The following FBXW8 variants were observed in gnomAD, a reference collection of about 807,000 sequenced individuals.
The protein encoded by FBXW8 is F-box/WD repeat-containing protein 8.
FBXW8 carries 57 observed loss-of-function variants against 65.3 expected under a neutral mutation model. The ratio of observed to expected loss-of-function variants is 0.87; its 90% CI spans 0.71 to 1.09. The LOEUF (loss-of-function observed/expected upper bound fraction) is 1.09. FBXW8 is among the 50% of genes least tolerant of loss of function. FBXW8 has a pLI of 0.00. For missense variants in FBXW8, 777 were observed against 814.8 expected (o/e 0.95, Z 0.57); for synonymous variants, 308 against 330.2 (o/e 0.93, Z 0.73).
rs1364784842 is a variant in FBXW8, at chr12:117,028,087, C to T, written c.1712C>T (p.Pro571Leu). 25 of 1,614,036 alleles carry T rather than the reference C, an allele frequency of 1.5e-5. No individual in the cohort carries two copies. Among genetic ancestry groups the T allele is most frequent in the Non-Finnish European group, 2.0e-5 (24 of 1,180,032 alleles). Residue 571 changes from proline (P) to leucine (L), a missense_variant, in exon 11 of 11, where the codon CCT becomes CTT. Pro to Leu is a moderately conservative substitution (Grantham distance 98, BLOSUM62 -3). Transcript: ENST00000652555. The surrounding 1 kb of genome is among the most constrained non-coding windows in gnomAD (Gnocchi z 4.1). Reference sequence around the variant, plus strand: ...GTGGACCAGCTGGCCTTCCAGAGCCCTCTCCCTGTCTGCCGTTCATCCTGT... The same window carrying T: ...GTGGACCAGCTGGCCTTCCAGAGCCTTCTCCCTGTCTGCCGTTCATCCTGT... ...FAVDQLAFQS[P>L]LPVCRSSCDA...
intron 3 of FBXW8, 50 bp downstream of exon 3, chr12:116,945,578 A>G (rs1188674444): frequency 3.2e-6 from 5 of 1,562,908 alleles, no homozygotes; most frequent in South Asian, 1.2e-5. Flanking sequence ...CTGCAAGGAC[A>G]TGGGAATCCA....
intron 7 of FBXW8, among the ~76,000 whole-genome samples, chr12:116,994,290 C>G (rs1427783268): frequency 1.3e-5 from 2 of 152,020 alleles, no homozygotes; most frequent in East Asian, 3.8e-4. Context: ...GATACGCAGA[C>G]CAATGGAATA....
At chr12:116,938,126 A>C (rs1882290350) in intron 2 of FBXW8, among the ~76,000 whole-genome samples, 1 of 152,122 alleles carries the variant, frequency 6.6e-6, no homozygotes, top group South Asian at 2.1e-4. Context: ...AAGTTTAACT[A>C]GGTCTTTTTC....
chr12:117,011,127 C>CTT lies in FBXW8; in HGVS notation c.1367+691_1367+692dup, dbSNP rs397946872. 9.0e-5 allele frequency among the ~76,000 whole-genome samples: 11 copies of CTT among 122,152 alleles called. 1 individual carries two copies. Among genetic ancestry groups the CTT allele is most frequent in the East Asian group, 4.8e-4 (2 of 4,160 alleles). 80.1% of individuals were successfully genotyped at this position (122,152 alleles called of 152,430 possible). On this transcript the variant is annotated intron_variant, in intron 8 of 10. Coordinates refer to ENST00000652555, the MANE Select transcript of FBXW8 (RefSeq NM_153348.3). ...CTTCTTTCCTTGTTTTTTTCTTTTC[C>CTT]TTTTTTTTTTTTTTTGGCCAGTTAT...
At chr12:116,977,977 A>G (rs149790289) in intron 5 of FBXW8, 1 of 152,198 alleles carries the variant, frequency 6.6e-6, no homozygotes, top group East Asian at 1.9e-4. Flanking sequence ...CTCTTGACTC[A>G]GTTTCTATTT....
chr12:116,987,592 A>C (rs1041028603), intron 6 of FBXW8, among the ~76,000 whole-genome samples: 4 of 152,212 alleles, frequency 2.6e-5, no homozygotes, highest in Non-Finnish European at 5.9e-5. Context: ...GAGACAGCAG[A>C]TCACTTGGAT....
chr12:116,927,972 T>A, intron 1 of FBXW8, 51 bp from the exon 2 acceptor site: 2 of 1,188,028 alleles, frequency 1.7e-6, no homozygotes, highest in South Asian at 2.7e-5. Flanking sequence ...AAATTTGAGT[T>A]ATTTTCATAT....
chr12:116,961,099 G>A lies in FBXW8; in HGVS notation c.678-3598G>A, dbSNP rs745679651. 2.6e-5 allele frequency among the ~76,000 whole-genome samples: 4 copies of A among 152,124 alleles called. No individual in the cohort carries two copies. The highest frequency in any genetic ancestry group is 5.9e-5 in the Non-Finnish European group (4 of 68,006). On this transcript the variant is annotated intron_variant, in intron 4 of 10. Coordinates refer to ENST00000652555, the MANE Select transcript of FBXW8 (RefSeq NM_153348.3). This position sits in a 1 kb window ranked among gnomAD's most constrained non-coding sequence, Gnocchi z 4.4. ...GCAACCTCCACCTCCCAGTTCAAGC[G>A]ATTCTTCTGCCTCAGCCTCCCAAGT...
At chr12:116,938,719 C>G (rs1298960762) in intron 2 of FBXW8, among the ~76,000 whole-genome samples, 1 of 152,208 alleles carries the variant, frequency 6.6e-6, no homozygotes, top group Non-Finnish European at 1.5e-5. Flanking sequence ...TCATTGAGCA[C>G]TGCCTTTGGA....
intron 8 of FBXW8, among the ~76,000 whole-genome samples, chr12:117,016,467 CTT>C (rs1407994068): frequency 6.6e-6 from 1 of 151,308 alleles, no homozygotes; most frequent in Non-Finnish European, 1.5e-5. Flanking sequence ...ATTGGGCTGT[CTT>C]TATATTATTG....
chr12:116,989,347 A>G (rs1346587981), intron 7 of FBXW8, among the ~76,000 whole-genome samples: 1 of 152,146 alleles, frequency 6.6e-6, no homozygotes, highest in African/African-American at 2.4e-5. Flanking sequence ...GCTTGCTTTC[A>G]CTGTGTTGGC....
intron 1 of FBXW8, among the ~76,000 whole-genome samples, chr12:116,925,540 T>C (rs899433113): frequency 6.6e-6 from 1 of 152,184 alleles, no homozygotes; most frequent in African/African-American, 2.4e-5. Flanking sequence ...TTCTTTTTTT[T>C]CCCTGCCATT....
chr12:116,947,752 AAAG>A (rs1000142752), intron 3 of FBXW8, among the ~76,000 whole-genome samples: 3 of 150,288 alleles, frequency 2.0e-5, no homozygotes, highest in Non-Finnish European at 4.4e-5. Flanking sequence ...AAAAAAAAAA[AAAG>A]AAAAGAAAGA....
chr12:116,987,973 C>G (rs1256566298), intron 6 of FBXW8, among the ~76,000 whole-genome samples: 1 of 152,184 alleles, frequency 6.6e-6, no homozygotes, highest in Non-Finnish European at 1.5e-5. Flanking sequence ...CTTGCTTTAC[C>G]CGCTAAGCTT....
chr12:116,924,240 A>T (rs1354436796), intron 1 of FBXW8, among the ~76,000 whole-genome samples: 1 of 151,890 alleles, frequency 6.6e-6, no homozygotes, highest in Non-Finnish European at 1.5e-5. Context: ...AACTTTTTGG[A>T]TGGCTATGTG....
intron 5 of FBXW8, among the ~76,000 whole-genome samples, chr12:116,980,898 T>A (rs1409629379): frequency 6.6e-6 from 1 of 152,252 alleles, no homozygotes; most frequent in Non-Finnish European, 1.5e-5. Context: ...AGTGTGTGTT[T>A]TATGAAAACA....
At chr12:116,921,227 A>G (rs61936970) in intron 1 of FBXW8, among the ~76,000 whole-genome samples, 4,857 of 152,346 alleles carry the variant, frequency 0.032, 107 homozygotes, top group Non-Finnish European at 0.05. Context: ...ACTGTGTGCA[A>G]TGCACTGAGC....
intron 1 of FBXW8, among the ~76,000 whole-genome samples, chr12:116,912,763 G>A (rs527423217): frequency 6.6e-6 from 1 of 152,214 alleles, no homozygotes; most frequent in African/African-American, 2.4e-5. Flanking sequence ...GCGCCCGGCC[G>A]AGAATAATTC....
At chr12:117,015,943 T>C (rs910101515) in intron 8 of FBXW8, among the ~76,000 whole-genome samples, 1 of 152,234 alleles carries the variant, frequency 6.6e-6, no homozygotes, top group Non-Finnish European at 1.5e-5. Context: ...TCTATGACCT[T>C]TTATGACTGG....
Sources: gnomAD v4.1 joint callset for allele counts (sites outside exome capture counted in the v4.1 genomes callset) on GRCh38, gnomAD v4.1.1 for gene constraint, Gnocchi (gnomAD v3.1) non-coding constraint, MANE v1.5 for transcripts, NCBI Gene and HGNC (gene_info 2026-07-23, HGNC 2026-07-21) for gene names.